The following PDZRN3 variants were observed in gnomAD, a reference collection of about 807,000 sequenced individuals.
The protein encoded by PDZRN3 is PDZ domain containing ring finger 3.
PDZRN3 carries 38 observed loss-of-function variants against 85.7 expected under a neutral mutation model. That is an observed-to-expected ratio of 0.44 (90% CI 0.34 to 0.58). PDZRN3 has a LOEUF of 0.58. Ranked by LOEUF, PDZRN3 falls within the 20% of genes least tolerant of loss-of-function variation. The pLI is 0.01. For synonymous variants in PDZRN3, 759 were observed against 638.0 expected, an observed-to-expected ratio of 1.19 and a Z score of -2.86; for missense variants, 1,629 against 1,506.4, an observed-to-expected ratio of 1.08 and a Z score of -1.35.
rs114288712 is a variant in PDZRN3, at chr3:73,571,354, C to T, written c.918+31000G>A. On this transcript the variant is annotated intron_variant, in intron 3 of 9. Transcript: ENST00000263666. ...CATAAATCGTGCCTTTGTGACAAAA[C>T]CCTTATCTTCAAAAACAGATAGCGT... is the stretch of plus-strand genomic sequence containing the variant. Among the ~76,000 whole-genome samples the T allele has an allele frequency of 6.1e-3, 935 of 152,268 alleles. 9 individuals carry two copies. Among genetic ancestry groups the T allele is most frequent in the African/African-American group, 0.022 (902 of 41,558 alleles).
intron 3 of PDZRN3, among the ~76,000 whole-genome samples, chr3:73,524,416 G>A (rs1047441281): frequency 6.6e-6 from 1 of 152,184 alleles, no homozygotes; most frequent in African/African-American, 2.4e-5. Context: ...TTCCCTCTGA[G>A]TAACAAATTA....
intron 5 of PDZRN3, among the ~76,000 whole-genome samples, chr3:73,395,407 G>A (rs1701615229): frequency 6.6e-6 from 1 of 152,188 alleles, no homozygotes; most frequent in Admixed American, 6.5e-5. Flanking sequence ...CCTGTTACTG[G>A]TATCTTGTTG....
chr3:73,485,051 AAGCTTTTTATTAGTCTC>A (rs1703638551), intron 3 of PDZRN3, among the ~76,000 whole-genome samples: 1 of 152,170 alleles, frequency 6.6e-6, no homozygotes, highest in African/African-American at 2.4e-5. Context: ...CGACAAAAAC[AAGCTTTTTATTAGTCTC>A]AGTTCTCTGA....
chr3:73,597,765 G>C (rs1207426403), intron 3 of PDZRN3, among the ~76,000 whole-genome samples: 4 of 150,460 alleles, frequency 2.7e-5, no homozygotes, highest in Non-Finnish European at 5.9e-5. Flanking sequence ...AAAAGATGAA[G>C]AGAGAAATAA....
Position 73,390,989 on chromosome 3 carries a change from A to G in PDZRN3, c.1353+29T>C, listed in dbSNP as rs374700249. ...AAAACCCTTTTGGTCTTGATACGAT[A>G]GTTAGAAAAACAAAATCAGCCTTTG... On this transcript the variant is annotated intron_variant, in intron 6 of 9. Transcript: ENST00000263666. 1.0e-5 allele frequency: 15 copies of G among 1,456,300 alleles called. No individual in the cohort carries two copies. In the African/African-American group the frequency reaches 2.0e-4, roughly 19 times the overall value. The allele number at this position is 1,456,300 out of a possible 1,614,324, so 90.2% of individuals were successfully genotyped here.
chr3:73,451,467 C>T (rs1702860697), intron 3 of PDZRN3, among the ~76,000 whole-genome samples: 1 of 152,144 alleles, frequency 6.6e-6, no homozygotes, highest in African/African-American at 2.4e-5. Context: ...TAAATGTCTA[C>T]AGGGAACATA....
chr3:73,593,821 A>G (rs573778270), intron 3 of PDZRN3: 2 of 152,210 alleles, frequency 1.3e-5, no homozygotes, highest in South Asian at 4.2e-4. Context: ...ATCAAACAAA[A>G]TAACTACAAT....
intron 3 of PDZRN3, among the ~76,000 whole-genome samples, chr3:73,414,132 TCAGAGAAATCTCTGAGC>T (rs1702029835): frequency 6.6e-6 from 1 of 152,026 alleles, no homozygotes; most frequent in South Asian, 2.1e-4. Flanking sequence ...TGTCTCAGAG[TCAGAGAAATCTCTGAGC>T]AGCAAGAAAA....
intron 3 of PDZRN3, among the ~76,000 whole-genome samples, chr3:73,454,746 A>G (rs1399495526): frequency 6.6e-6 from 1 of 152,238 alleles, no homozygotes; most frequent in East Asian, 1.9e-4. Context: ...GGAGGTTCTC[A>G]AAAAAGCTTG....
chr3:73,511,411 C>T lies in PDZRN3; in HGVS notation c.918+90943G>A, dbSNP rs143445833. Among the ~76,000 whole-genome samples the T allele has an allele frequency of 4.1e-3, 629 of 152,292 alleles. 8 individuals are homozygous for T. The highest frequency in any genetic ancestry group is 0.014 in the African/African-American group (593 of 41,538). On this transcript the variant is annotated intron_variant, in intron 3 of 9. Transcript: ENST00000263666. ...AGCCCTGGGTGTCGGCTGGGCCCCC[C>T]GTCTGCATCCTCTAGAGCTGGGTTT...
intron 3 of PDZRN3, among the ~76,000 whole-genome samples, chr3:73,490,819 C>T (rs1388987520): frequency 6.6e-6 from 1 of 152,200 alleles, no homozygotes; most frequent in Non-Finnish European, 1.5e-5. Context: ...TCCCTGTATC[C>T]CTGAACTTCA....
At chr3:73,588,872 T>C (rs980086635) in intron 3 of PDZRN3, among the ~76,000 whole-genome samples, 1 of 152,222 alleles carries the variant, frequency 6.6e-6, no homozygotes, top group East Asian at 1.9e-4. Context: ...GAGAAACACT[T>C]GTTTAGGTTT....
intron 3 of PDZRN3, among the ~76,000 whole-genome samples, chr3:73,567,771 C>A (rs1701974982): frequency 6.6e-6 from 1 of 152,172 alleles, no homozygotes; most frequent in Non-Finnish European, 1.5e-5. Context: ...TAAAACTTAG[C>A]CTCTATCTCC....
At chr3:73,509,565 T>A (rs1213425479) in intron 3 of PDZRN3, among the ~76,000 whole-genome samples, 1 of 152,168 alleles carries the variant, frequency 6.6e-6, no homozygotes, top group Non-Finnish European at 1.5e-5. Context: ...AGTACTCAAC[T>A]AACGTACTGA....
At chr3:73,500,288 A>G (rs952131807) in intron 3 of PDZRN3, among the ~76,000 whole-genome samples, 2 of 152,164 alleles carry the variant, frequency 1.3e-5, no homozygotes, top group South Asian at 2.1e-4. Context: ...GGCTCAAGCA[A>G]TTCTCCAACC....
In PDZRN3 at chr3:73,563,008, TATA is replaced by T. The variant is rs1304848984; in HGVS notation, c.918+39343_918+39345del. On this transcript the variant is annotated intron_variant, in intron 3 of 9. Coordinates refer to ENST00000263666, the MANE Select transcript of PDZRN3 (RefSeq NM_015009.3). ...TTATATATATATATATATATATATA[TATA>T]TATTTTTTTTTTTTTTTTTTTTTTT... is the stretch of plus-strand genomic sequence containing the variant. 3.0e-4 allele frequency among the ~76,000 whole-genome samples: 12 copies of T among 40,358 alleles called. 1 individual carries two copies. Among genetic ancestry groups the T allele is most frequent in the Admixed American group, 3.2e-4 (1 of 3,108 alleles). 26.5% of individuals were successfully genotyped at this position (40,358 alleles called of 152,430 possible). A position where few individuals can be genotyped will look rare whatever the true frequency, so the allele number is the denominator to read the frequency against.
At chr3:73,492,962 A>C (rs1703799569) in intron 3 of PDZRN3, among the ~76,000 whole-genome samples, 1 of 147,374 alleles carries the variant, frequency 6.8e-6, no homozygotes, top group African/African-American at 2.5e-5. Flanking sequence ...TTAGGGTTAG[A>C]CTAGATGGAA....
At chr3:73,517,425 C>G (rs553846742) in intron 3 of PDZRN3, among the ~76,000 whole-genome samples, 1 of 152,138 alleles carries the variant, frequency 6.6e-6, no homozygotes, top group Non-Finnish European at 1.5e-5. Context: ...GCATAATTAT[C>G]GAGAGCTCTT....
intron 3 of PDZRN3, among the ~76,000 whole-genome samples, chr3:73,497,387 T>C (rs957127871): frequency 2.3e-4 from 35 of 150,652 alleles, no homozygotes; most frequent in African/African-American, 7.7e-4. Context: ...GATCAGATTT[T>C]TGTGAATTCA....
Sources: gnomAD v4.1 joint callset for allele counts (sites outside exome capture counted in the v4.1 genomes callset) on GRCh38, gnomAD v4.1.1 for gene constraint, MANE v1.5 for transcripts, NCBI Gene and HGNC (gene_info 2026-07-23, HGNC 2026-07-21) for gene names.